KLHL22: variants seen among roughly 807,000 people sequenced by gnomAD.
KLHL22 encodes the protein kelch like family member 22.
Under a neutral mutation model 60.7 loss-of-function variants are expected in KLHL22, and 18 were observed. The ratio of observed to expected loss-of-function variants is 0.30; its 90% confidence interval spans 0.20 to 0.44. The LOEUF is 0.44. KLHL22 is among the 20% of genes least tolerant of loss of function. The pLI is 1.00. For missense variants in KLHL22, 596 were observed against 852.3 expected, an observed-to-expected ratio of 0.70 and a Z score of 3.74; for synonymous variants, 355 against 354.5, an observed-to-expected ratio of 1.00 and a Z score of -0.01.
Position 20,495,557 on chromosome 22 carries a change from G to A in KLHL22, c.-34+203C>T, listed in dbSNP as rs1474334196. On this transcript the variant is annotated intron_variant, in intron 1 of 6. Transcript: ENST00000328879. This position sits in a 1 kb window ranked among gnomAD's most constrained non-coding sequence, Gnocchi z 4.6. ...TCCCGGCCCCTACGCGCCCGCGCCC[G>A]GGGATCCCGCCGGCCGCGTCCCCGC... Among the ~76,000 whole-genome samples, 16 of 150,822 alleles carry A rather than the reference G, an allele frequency of 1.1e-4. No homozygotes were observed. In the East Asian group the frequency reaches 3.1e-3, roughly 29 times the overall value.
At chr22:20,462,276 CAA>C (rs361908) in intron 4 of KLHL22, among the ~76,000 whole-genome samples, 33 of 114,540 alleles carry the variant, frequency 2.9e-4, no homozygotes, top group Non-Finnish European at 3.7e-4. Flanking sequence ...GACTCTGTCT[CAA>C]AAAAAAAAAA....
chr22:20,450,818 A>G (rs2052964781), intron 5 of KLHL22: 1 of 1,510,348 alleles, frequency 6.6e-7, no homozygotes, highest in Non-Finnish European at 9.2e-7. Context: ...TATATCACAG[A>G]TGTAATAGAT....
chr22:20,485,313 C>G (rs2053567320), intron 2 of KLHL22, among the ~76,000 whole-genome samples: 1 of 152,032 alleles, frequency 6.6e-6, no homozygotes, highest in Non-Finnish European at 1.5e-5. Context: ...GTCAGGGGAG[C>G]CAAAGTAAGT....
intron 4 of KLHL22, among the ~76,000 whole-genome samples, chr22:20,460,771 G>A (rs1452742986): frequency 6.6e-6 from 1 of 151,836 alleles, no homozygotes; most frequent in African/African-American, 2.4e-5. Flanking sequence ...TACTTTATGA[G>A]AATAAGTCCT....
At chr22:20,467,950 G>A (rs1236487327) in intron 3 of KLHL22, among the ~76,000 whole-genome samples, 6 of 152,204 alleles carry the variant, frequency 3.9e-5, no homozygotes, top group Admixed American at 6.5e-5. Context: ...GAGCCACGGC[G>A]CCCGGCCAAG....
chr22:20,449,242 A>C (rs1299713713), intron 5 of KLHL22, among the ~76,000 whole-genome samples: 1 of 151,286 alleles, frequency 6.6e-6, no homozygotes, highest in Non-Finnish European at 1.5e-5. Context: ...TTGTATTTTT[A>C]GTAGAGATGG....
Position 20,495,237 on chromosome 22 carries a change from G to A in KLHL22, c.-34+523C>T, listed in dbSNP as rs1381806564. On this transcript the variant is annotated intron_variant, in intron 1 of 6. Coordinates refer to ENST00000328879, the MANE Select transcript of KLHL22 (RefSeq NM_032775.4). The surrounding 1 kb of genome is among the most constrained non-coding windows in gnomAD (Gnocchi z 4.6). ...GGCAGCCGACGCTTCGCGCTCTGGTGATTTTGCACTGACAGCGCGATCTCC... is the reference window on the plus strand; with the variant it reads ...GGCAGCCGACGCTTCGCGCTCTGGTAATTTTGCACTGACAGCGCGATCTCC... Among the ~76,000 whole-genome samples, 1 of 152,226 alleles carries A rather than the reference G, an allele frequency of 6.6e-6. No individual in the cohort carries two copies. The highest frequency in any genetic ancestry group is 2.4e-5 in the African/African-American group (1 of 41,454).
At chr22:20,483,475 A>AG (rs2053537783) in intron 2 of KLHL22, 1 of 747,362 alleles carries the variant, frequency 1.3e-6, no homozygotes, top group Non-Finnish European at 2.5e-6. Flanking sequence ...CTTCATGAAG[A>AG]GCAGCTCCTC....
chr22:20,483,116 T>C, intron 2 of KLHL22: 2 of 642,140 alleles, frequency 3.1e-6, no homozygotes, highest in African/African-American at 1.8e-5. Flanking sequence ...CTACAGGGCA[T>C]AGAAGGCCTC....
At chr22:20,461,536 G>A (rs1250958172) in intron 4 of KLHL22, among the ~76,000 whole-genome samples, 1 of 97,834 alleles carries the variant, frequency 1.0e-5, no homozygotes, top group Non-Finnish European at 1.8e-5. Flanking sequence ...CTGGGTGACA[G>A]AGAGACTCCA....
At chr22:20,483,076 G>A in intron 2 of KLHL22, 1 of 660,162 alleles carries the variant, frequency 1.5e-6, no homozygotes, top group South Asian at 1.7e-5. Context: ...CTGACTCCAG[G>A]TGCAGCAGGA....
chr22:20,446,380 A>G lies in KLHL22; in HGVS notation c.1539+63T>C. The G allele has an allele frequency of 4.2e-6, 4 of 947,778 alleles. No individual in the cohort carries two copies. In the East Asian group the frequency reaches 7.8e-5, roughly 18 times the overall value. 58.7% of individuals were successfully genotyped at this position (947,778 alleles called of 1,614,324 possible). A position where few individuals can be genotyped will look rare whatever the true frequency, so the allele number is the denominator to read the frequency against. On this transcript the variant is annotated intron_variant, in intron 6 of 6. Transcript: ENST00000328879. ...GGCACATGATTCAATTACATTTTCC[A>G]TCAATAACAACTGAGAGGCTTGGGA...
rs752528997 is a variant in KLHL22 at position 20,465,044 on chromosome 22, G to A, written c.926C>T (p.Thr309Met). Residue 309 changes from threonine to methionine, a missense_variant, in exon 4 of 7, where the codon ACG becomes ATG. Physicochemically the swap from Thr to Met is moderately conservative, Grantham distance 81 (BLOSUM62 -1). Transcript: ENST00000328879. The surrounding 1 kb of genome is among the most constrained non-coding windows in gnomAD (Gnocchi z 4.9). ...CVVGFGGIHS[T>M]PSTVLSDQAK... Reference sequence around the variant, plus strand: ...CTGGTCGCTGAGGACAGTGGACGGCGTGGAGTGAATGCCCCCGAAGCCCAC... The same window carrying A: ...CTGGTCGCTGAGGACAGTGGACGGCATGGAGTGAATGCCCCCGAAGCCCAC... The A allele has an allele frequency of 9.3e-6, 15 of 1,611,548 alleles. No individual in the cohort carries two copies. Among genetic ancestry groups the A allele is most frequent in the Admixed American group, 3.3e-5 (2 of 59,896 alleles).
intron 6 of KLHL22, among the ~76,000 whole-genome samples, chr22:20,445,775 T>C (rs2052849855): frequency 6.6e-6 from 1 of 151,974 alleles, no homozygotes; most frequent in Non-Finnish European, 1.5e-5. Flanking sequence ...TTTTTTTTGT[T>C]TTTTTTGAGA....
At chr22:20,476,770 G>C (rs376283150) in intron 2 of KLHL22, among the ~76,000 whole-genome samples, 1 of 145,442 alleles carries the variant, frequency 6.9e-6, no homozygotes, top group Admixed American at 7.0e-5. Flanking sequence ...GTGCAATGGC[G>C]CAATCTCGGC....
At chr22:20,464,430 G>A (rs942865019) in intron 4 of KLHL22, among the ~76,000 whole-genome samples, 2 of 152,184 alleles carry the variant, frequency 1.3e-5, no homozygotes, top group Non-Finnish European at 2.9e-5. Context: ...CTGGTGAAGG[G>A]AAACTGAAAC....
intron 6 of KLHL22, among the ~76,000 whole-genome samples, chr22:20,443,353 C>CAAA (rs3071909): frequency 6.7e-6 from 1 of 148,564 alleles, no homozygotes; most frequent in African/African-American, 2.5e-5. Context: ...TACAAGAATA[C>CAAA]AAAAAAAAAA....
At chr22:20,462,751 GC>G (rs1296386158) in intron 4 of KLHL22, among the ~76,000 whole-genome samples, 1 of 152,082 alleles carries the variant, frequency 6.6e-6, no homozygotes, top group African/African-American at 2.4e-5. Flanking sequence ...AATCCACAGG[GC>G]TATGGCTATG....
chr22:20,451,572 C>T lies in KLHL22; in HGVS notation c.1306-4896G>A. On this transcript the variant is annotated intron_variant, in intron 5 of 6. Transcript: ENST00000328879. Reference sequence around the variant, plus strand: ...TGGTGGGGAGATTTGATGGTACAGCCCACCTTTCTTCCGTTGAAGCATACA... The same window carrying T: ...TGGTGGGGAGATTTGATGGTACAGCTCACCTTTCTTCCGTTGAAGCATACA... 5 of 1,596,262 alleles carry T rather than the reference C, an allele frequency of 3.1e-6. No individual in the cohort carries two copies. In the South Asian group the frequency reaches 4.4e-5, roughly 14 times the overall value.
Sources: allele counts gnomAD v4.1 joint callset (sites outside exome capture counted in the v4.1 genomes callset), GRCh38; gene constraint gnomAD v4.1.1; non-coding constraint Gnocchi (gnomAD v3.1); transcripts MANE v1.5; gene names NCBI Gene and HGNC (gene_info 2026-07-23, HGNC 2026-07-21).